Variants in BAK1 observed in about 807,000 individuals in gnomAD.
BAK1 encodes the protein BCL2 antagonist/killer 1.
In BAK1, 19 loss-of-function variants were observed where a neutral mutation model predicts 24.7. The observed-to-expected ratio is 0.77, with a 90% confidence interval of 0.54 to 1.13. BAK1 has a LOEUF of 1.13. Among genes scored for constraint, BAK1 ranks in the 50% most tolerant of loss-of-function variants. The pLI is 0.00. For synonymous variants in BAK1, 86 were observed against 107.3 expected, an observed-to-expected ratio of 0.80 and a Z score of 1.23; for missense variants, 194 against 279.4, an observed-to-expected ratio of 0.69 and a Z score of 2.18.
In BAK1 at chr6:33,575,325, T is replaced by C. The variant is rs1762825407; in HGVS notation, c.323A>G (p.Tyr108Cys). Residue 108 changes from tyrosine (Y) to cysteine (C), a missense_variant, in exon 4 of 6, where the codon TAT (tyrosine) becomes TGT (cysteine). Tyr to Cys is a radical substitution (Grantham distance 194). Transcript: ENST00000374467. The surrounding 1 kb of genome is among the most constrained non-coding windows in gnomAD (Gnocchi z 6.3). ...QHLQPTAENAYEYFTKIATSL... is the reference protein window; with the variant it reads ...QHLQPTAENACEYFTKIATSL... ...GGTGGCAATCTTGGTGAAGTACTCA[T>C]AGGCATTCTCTGCCGTGGGCTGCAG... 4 of 1,614,156 alleles carry C rather than the reference T, an allele frequency of 2.5e-6. No homozygotes were observed. In the South Asian group the frequency reaches 4.4e-5, roughly 18 times the overall value.
In BAK1 at chr6:33,575,268, C is replaced by G. The variant is rs915665710; in HGVS notation, c.350+30G>C. On this transcript the variant is annotated intron_variant, in intron 4 of 5. Transcript: ENST00000374467. This position sits in a 1 kb window ranked among gnomAD's most constrained non-coding sequence, Gnocchi z 6.3. ...TGGTTGTGACATGACAGAGGAGTGACTGGAGCTGGCAGGGAGGTGGCTGGG... is the reference window on the plus strand; with the variant it reads ...TGGTTGTGACATGACAGAGGAGTGAGTGGAGCTGGCAGGGAGGTGGCTGGG... 1.9e-6 allele frequency: 3 copies of G among 1,614,192 alleles called. No individual in the cohort carries two copies. The highest frequency in any genetic ancestry group is 2.5e-6 in the Non-Finnish European group (3 of 1,180,020).
rs1225924323 is a variant in BAK1 at position 33,573,635 on chromosome 6, T to C, written c.*168A>G. 1.5e-6 allele frequency: 1 copy of C among 651,764 alleles called. No homozygotes were observed. The highest frequency in any genetic ancestry group is 2.7e-6 in the Non-Finnish European group (1 of 368,050). 40.4% of individuals were successfully genotyped at this position (651,764 alleles called of 1,614,324 possible). ...GCACCATGCAATGTTGAGGTGCCTCTGCAGCCTGACTGGCCCCCACGCAGG... is the reference window on the plus strand; with the variant it reads ...GCACCATGCAATGTTGAGGTGCCTCCGCAGCCTGACTGGCCCCCACGCAGG... On this transcript the variant is annotated 3_prime_UTR_variant, in exon 6 of 6. Transcript: ENST00000374467.
Position 33,572,901 on chromosome 6 carries a change from C to G in BAK1, c.*902G>C, listed in dbSNP as rs1762786240. The G allele has an allele frequency of 6.6e-6, 1 of 151,642 alleles. No homozygotes were observed. Among genetic ancestry groups the G allele is most frequent in the African/African-American group, 2.4e-5 (1 of 41,114 alleles). The allele number at this position is 151,642 out of a possible 1,614,324, so 9.4% of individuals were successfully genotyped here. On this transcript the variant is annotated 3_prime_UTR_variant, in exon 6 of 6. Coordinates refer to ENST00000374467, the MANE Select transcript of BAK1 (RefSeq NM_001188.4). ...TAGAACCCTCCAGATGAACTCCCTA[C>G]TCCTTTTCCCTGATATAACAAACCA...
Position 33,574,016 on chromosome 6 carries a change from C to G in BAK1, c.531+18G>C. The G allele has an allele frequency of 2.5e-6, 4 of 1,613,248 alleles. No homozygotes were observed. The highest frequency in any genetic ancestry group is 2.5e-6 in the Non-Finnish European group (3 of 1,179,292). On this transcript the variant is annotated intron_variant, in intron 5 of 5. Coordinates refer to ENST00000374467, the MANE Select transcript of BAK1 (RefSeq NM_001188.4). ...AGCCCCAACAGCAGGGAGGACATTGCAGTCCTTGGATACTCACCCAGCCAC... is the reference window on the plus strand; with the variant it reads ...AGCCCCAACAGCAGGGAGGACATTGGAGTCCTTGGATACTCACCCAGCCAC...
chr6:33,574,007 A>T, intron 5 of BAK1, 27 bp downstream of exon 5: 1 of 1,613,106 alleles, frequency 6.2e-7, no homozygotes, highest in South Asian at 1.1e-5. Flanking sequence ...AACAGCAGGG[A>T]GGACATTGCA....
chr6:33,579,026 G>C (rs1381968252), intron 1 of BAK1, among the ~76,000 whole-genome samples: 1 of 152,154 alleles, frequency 6.6e-6, no homozygotes, highest in Non-Finnish European at 1.5e-5. Flanking sequence ...ACTCCTCCTC[G>C]ATCTGCCGGA....
Position 33,578,133 on chromosome 6 carries a change from G to T in BAK1, c.-31-498C>A, listed in dbSNP as rs919473523. ...CCCACCCAGCACATGCTTATTGCAA[G>T]CGAGCCACTGCCCAGCCAATGGCCC... is the stretch of plus-strand genomic sequence containing the variant. On this transcript the variant is annotated intron_variant, in intron 1 of 5. Transcript: ENST00000374467. The surrounding 1 kb of genome is among the most constrained non-coding windows in gnomAD (Gnocchi z 4.8). Among the ~76,000 whole-genome samples the T allele has an allele frequency of 2.6e-5, 4 of 152,180 alleles. No homozygotes were observed. Among genetic ancestry groups the T allele is most frequent in the Admixed American group, 1.3e-4 (2 of 15,282 alleles).
At position 33,573,655 on chromosome 6, in the gene BAK1, C is replaced by T. The variant is rs537321467; in HGVS notation, c.*148G>A. 6.0e-4 allele frequency: 424 copies of T among 712,042 alleles called. 1 individual carries two copies. The highest frequency in any genetic ancestry group is 8.5e-4 in the Non-Finnish European group (354 of 417,100). 44.1% of individuals were successfully genotyped at this position (712,042 alleles called of 1,614,324 possible). On this transcript the variant is annotated 3_prime_UTR_variant, in exon 6 of 6. Coordinates refer to ENST00000374467, the MANE Select transcript of BAK1 (RefSeq NM_001188.4). ...GCCTCTGCAGCCTGACTGGCCCCCA[C>T]GCAGGGGCCCTCCGAAGCTGGAGTG...
Position 33,575,302 on chromosome 6 carries a change from T to G in BAK1, c.346A>C (p.Thr116Pro). 6.2e-7 allele frequency: 1 copy of G among 1,614,094 alleles called. No individual in the cohort carries two copies. The highest frequency in any genetic ancestry group is 1.3e-5 in the African/African-American group (1 of 75,014). The change falls in exon 4 of 6, where the codon ACC becomes CCC. Residue 116 changes from threonine (T) to proline (P), a missense_variant. Transcript: ENST00000374467. This position sits in a 1 kb window ranked among gnomAD's most constrained non-coding sequence, Gnocchi z 6.3. The part of the protein sequence containing the change: ...NAYEYFTKIA[T>P]SLFESGINWG... ...GCAGGGAGGTGGCTGGGGTACCTGG[T>G]GGCAATCTTGGTGAAGTACTCATAG...
intron 4 of BAK1, chr6:33,574,636 C>T: frequency 1.1e-6 from 1 of 901,314 alleles, no homozygotes. Context: ...GATATTTCAG[C>T]TCTGAGCACT....
chr6:33,574,124 C>T lies in BAK1; in HGVS notation c.441G>A (p.Leu147=). The change falls in exon 5 of 6, where the codon CTG becomes CTA. Residue 147 remains leucine, a synonymous_variant. Transcript: ENST00000374467. ...RLALHVYQHG[L]TGFLGQVTRF... is the part of the protein sequence containing the mutation. Reference sequence around the variant, plus strand: ...GGGTCACCTGGCCTAGGAAGCCAGTCAGGCCATGCTGGTAGACGTGTAGGG... The same window carrying T: ...GGGTCACCTGGCCTAGGAAGCCAGTTAGGCCATGCTGGTAGACGTGTAGGG... 1 of 1,614,202 alleles carries T rather than the reference C, an allele frequency of 6.2e-7. No homozygotes were observed.
Position 33,577,714 on chromosome 6 carries a change from TC to T in BAK1, c.-31-80del. 2.0e-6 allele frequency: 2 copies of T among 990,424 alleles called. No individual in the cohort carries two copies. The highest frequency in any genetic ancestry group is 2.9e-6 in the Non-Finnish European group (2 of 678,960). 61.4% of individuals were successfully genotyped at this position (990,424 alleles called of 1,614,324 possible). ...TGGGGACCCCATACAGGTTGCCATG[TC>T]CACATAGGAGAGAGGATCCCCCATT... On this transcript the variant is annotated intron_variant, in intron 1 of 5. Transcript: ENST00000374467. This position sits in a 1 kb window ranked among gnomAD's most constrained non-coding sequence, Gnocchi z 4.6.
rs1489263770 is a variant in BAK1 at position 33,578,883 on chromosome 6, C to T, written c.-32+1142G>A. ...CTGGGCCAAGCACACAGCCCCACCC[C>T]CACCGCCCAGGGCCTGGGGACCTTC... On this transcript the variant is annotated intron_variant, in intron 1 of 5. Transcript: ENST00000374467. This position sits in a 1 kb window ranked among gnomAD's most constrained non-coding sequence, Gnocchi z 4.8. Among the ~76,000 whole-genome samples the T allele has an allele frequency of 1.3e-5, 2 of 152,184 alleles. No individual in the cohort carries two copies. The highest frequency in any genetic ancestry group is 2.9e-5 in the Non-Finnish European group (2 of 68,020).
Position 33,580,168 on chromosome 6 carries a change from GC to G in BAK1, c.-176del, listed in dbSNP as rs1762913217. 3.3e-5 allele frequency: 5 copies of G among 152,378 alleles called. No homozygotes were observed. Among genetic ancestry groups the G allele is most frequent in the Admixed American group, 3.3e-4 (5 of 15,286 alleles). 9.4% of individuals were successfully genotyped at this position (152,378 alleles called of 1,614,324 possible). A position where few individuals can be genotyped will look rare whatever the true frequency, so the allele number is the denominator to read the frequency against. On this transcript the variant is annotated 5_prime_UTR_variant, in exon 1 of 6. An upstream open reading frame in the 5' UTR gains an earlier in-frame stop. Transcript: ENST00000374467. ...AGTGCATTCCCGGCATCTGGATGTA[GC>G]CTTTACTTGTCCCTGTGCAGCCCGA...
chr6:33,578,354 G>A lies in BAK1; in HGVS notation c.-31-719C>T, dbSNP rs1433740376. Among the ~76,000 whole-genome samples the A allele has an allele frequency of 6.6e-6, 1 of 152,172 alleles. No homozygotes were observed. Among genetic ancestry groups the A allele is most frequent in the African/African-American group, 2.4e-5 (1 of 41,426 alleles). ...TGAGCGCCATCATACCCACTTTACAGGCAGGAAAAGTGAGGCACAAAGAGT... is the reference window on the plus strand; with the variant it reads ...TGAGCGCCATCATACCCACTTTACAAGCAGGAAAAGTGAGGCACAAAGAGT... On this transcript the variant is annotated intron_variant, in intron 1 of 5. Transcript: ENST00000374467. This position sits in a 1 kb window ranked among gnomAD's most constrained non-coding sequence, Gnocchi z 4.8.
Position 33,577,766 on chromosome 6 carries a change from G to T in BAK1, c.-31-131C>A. On this transcript the variant is annotated intron_variant, in intron 1 of 5. Transcript: ENST00000374467. This position sits in a 1 kb window ranked among gnomAD's most constrained non-coding sequence, Gnocchi z 4.6. Reference sequence around the variant, plus strand: ...CCCAGAAAGGCCCTTAGTCCTCTGGGACTTTGGCCAGGCCGGTCTCAAACT... The same window carrying T: ...CCCAGAAAGGCCCTTAGTCCTCTGGTACTTTGGCCAGGCCGGTCTCAAACT... 1.6e-6 allele frequency: 1 copy of T among 613,428 alleles called. No individual in the cohort carries two copies. Among genetic ancestry groups the T allele is most frequent in the Non-Finnish European group, 2.7e-6 (1 of 368,204 alleles). The allele number at this position is 613,428 out of a possible 1,614,324, so 38.0% of individuals were successfully genotyped here. A position where few individuals can be genotyped will look rare whatever the true frequency, so the allele number is the denominator to read the frequency against.
chr6:33,576,740 G>A (rs1021288059), intron 2 of BAK1, among the ~76,000 whole-genome samples: 3 of 152,080 alleles, frequency 2.0e-5, no homozygotes, highest in Non-Finnish European at 4.4e-5. Flanking sequence ...CTTATGCTGT[G>A]TGGAGAGTTG....
rs531652398 is a variant in BAK1, at chr6:33,578,581, C to G, written c.-31-946G>C. Among the ~76,000 whole-genome samples the G allele has an allele frequency of 9.2e-5, 14 of 152,280 alleles. No individual in the cohort carries two copies. In the East Asian group the frequency reaches 2.3e-3, roughly 25 times the overall value. On this transcript the variant is annotated intron_variant, in intron 1 of 5. Transcript: ENST00000374467. The surrounding 1 kb of genome is among the most constrained non-coding windows in gnomAD (Gnocchi z 4.8). The stretch of plus-strand genomic sequence containing the variant: ...TGCCTTGCAGTGACCGGAGGGAGCC[C>G]TCAGGATCAGGGCCTTCTTTGAAGC...
Position 33,573,668 on chromosome 6 carries a change from C to T in BAK1, c.*135G>A, listed in dbSNP as rs1221288736. Reference sequence around the variant, plus strand: ...GACTGGCCCCCACGCAGGGGCCCTCCGAAGCTGGAGTGCACACTTGCTAAA... The same window carrying T: ...GACTGGCCCCCACGCAGGGGCCCTCTGAAGCTGGAGTGCACACTTGCTAAA... On this transcript the variant is annotated 3_prime_UTR_variant, in exon 6 of 6. Coordinates refer to ENST00000374467, the MANE Select transcript of BAK1 (RefSeq NM_001188.4). 2.6e-6 allele frequency: 2 copies of T among 754,954 alleles called. No homozygotes were observed. Among genetic ancestry groups the T allele is most frequent in the South Asian group, 1.8e-5 (1 of 56,864 alleles). 46.8% of individuals were successfully genotyped at this position (754,954 alleles called of 1,614,324 possible).
Sources: allele counts gnomAD v4.1 joint callset (sites outside exome capture counted in the v4.1 genomes callset), GRCh38; gene constraint gnomAD v4.1.1; non-coding constraint Gnocchi (gnomAD v3.1); transcripts MANE v1.5; gene names NCBI Gene and HGNC (gene_info 2026-07-23, HGNC 2026-07-21).